INSL6: variants seen among roughly 807,000 people sequenced by gnomAD.
INSL6 encodes the protein insulin like 6, also known as insulin-like peptide INSL6.
INSL6 carries 16 observed loss-of-function variants against 9.4 expected under a neutral mutation model. The ratio of observed to expected loss-of-function variants is 1.70; its 90% CI spans 1.15 to 2.59. The LOEUF (loss-of-function observed/expected upper bound fraction) is 2.59, where lower values mean the gene tolerates loss of function less well. Ranked by LOEUF, INSL6 falls within the 30% of genes most tolerant of loss-of-function variation. The pLI, the probability that INSL6 is intolerant of heterozygous loss-of-function variation, is 0.00. For synonymous variants in INSL6, 154 were observed against 96.9 expected (o/e 1.59, Z -3.46); for missense variants, 391 against 257.3 (o/e 1.52, Z -3.56).
chr9:5,184,741 T>C (rs944367568), intron 1 of INSL6, among the ~76,000 whole-genome samples: 4 of 152,250 alleles, frequency 2.6e-5, no homozygotes, highest in Admixed American at 6.5e-5. Context: ...TGAAGCCTGA[T>C]AGGAGAACGG....
At chr9:5,118,360 A>G in the INSL6 span, among the ~76,000 whole-genome samples, 3 of 152,120 alleles carry the variant, frequency 2.0e-5, no homozygotes, top group African/African-American at 7.2e-5. Flanking sequence ...ATGATCACCT[A>G]TTTTCTTTGT....
intron 2 of INSL6, among the ~76,000 whole-genome samples, chr9:5,136,553 T>C (rs867153359): frequency 6.6e-6 from 1 of 152,212 alleles, no homozygotes; most frequent in African/African-American, 2.4e-5. Flanking sequence ...AGAAAAGGCC[T>C]TTGACAAAAT....
At chr9:5,078,926 G>A in the INSL6 span, among the ~76,000 whole-genome samples, 4 of 152,136 alleles carry the variant, frequency 2.6e-5, no homozygotes, top group Middle Eastern at 3.4e-3. Context: ...TAACACAGTG[G>A]GTTAAAAATA....
intron 1 of INSL6, among the ~76,000 whole-genome samples, chr9:5,172,150 T>C (rs189254461): frequency 9.9e-4 from 150 of 152,212 alleles, no homozygotes; most frequent in African/African-American, 3.3e-3. Context: ...CCTAAACCAA[T>C]AGAATTTCTG....
At chr9:5,137,818 A>G (rs1207302906) in intron 2 of INSL6, among the ~76,000 whole-genome samples, 1 of 152,214 alleles carries the variant, frequency 6.6e-6, no homozygotes, top group Non-Finnish European at 1.5e-5. Flanking sequence ...ATAATGGGAA[A>G]AAATTTTTGC....
chr9:5,120,218 C>T (rs2130842987), downstream of INSL6, among the ~76,000 whole-genome samples: 1 of 152,298 alleles, frequency 6.6e-6, no homozygotes, highest in East Asian at 1.9e-4. Flanking sequence ...GCGAGAGGGG[C>T]CAAATGCTGC....
At chr9:5,102,819 A>G in the INSL6 span, among the ~76,000 whole-genome samples, 445 of 152,278 alleles carry the variant, frequency 2.9e-3, 2 homozygotes, top group African/African-American at 0.01. Context: ...AGGAGAAATA[A>G]AATCCTTTAC....
the INSL6 span, among the ~76,000 whole-genome samples, chr9:4,995,227 C>A: frequency 2.6e-5 from 4 of 152,226 alleles, no homozygotes; most frequent in Admixed American, 6.5e-5. Flanking sequence ...GATTTGTGGT[C>A]CTTTTACTTT....
At chr9:5,102,030 G>C in the INSL6 span, among the ~76,000 whole-genome samples, 1 of 152,100 alleles carries the variant, frequency 6.6e-6, no homozygotes, top group Non-Finnish European at 1.5e-5. Flanking sequence ...CAGCTGGATG[G>C]AGAATGACTT....
the INSL6 span, among the ~76,000 whole-genome samples, chr9:5,105,720 G>C: frequency 6.6e-6 from 1 of 151,840 alleles, no homozygotes; most frequent in Non-Finnish European, 1.5e-5. Flanking sequence ...AACAGAGATA[G>C]ACCAATGGAA....
chr9:5,183,675 A>G (rs1406877734), intron 1 of INSL6, among the ~76,000 whole-genome samples: 1 of 152,190 alleles, frequency 6.6e-6, no homozygotes, highest in African/African-American at 2.4e-5. Context: ...GTGAAAGCAC[A>G]GTATTTGATG....
At chr9:5,147,110 T>A (rs918296057) in intron 2 of INSL6, among the ~76,000 whole-genome samples, 4 of 152,170 alleles carry the variant, frequency 2.6e-5, no homozygotes, top group Non-Finnish European at 5.9e-5. Context: ...CTGCTACAGA[T>A]GCTCCTGCAG....
At chr9:5,043,674 A>C in the INSL6 span, among the ~76,000 whole-genome samples, 3 of 152,222 alleles carry the variant, frequency 2.0e-5, no homozygotes, top group Non-Finnish European at 4.4e-5. Context: ...TTCACAATAG[A>C]AAAATAATAG....
At chr9:5,015,854 C>G in the INSL6 span, among the ~76,000 whole-genome samples, 1 of 152,184 alleles carries the variant, frequency 6.6e-6, no homozygotes, top group Non-Finnish European at 1.5e-5. Flanking sequence ...CAGTTACCAT[C>G]CTTTCTGTTC....
At chr9:5,041,685 C>T in the INSL6 span, 1 of 511,158 alleles carries the variant, frequency 2.0e-6, no homozygotes. Flanking sequence ...CCTCTTCGAC[C>T]GAAGCGGCTT....
chr9:5,151,753 C>T (rs1057459191), intron 2 of INSL6, among the ~76,000 whole-genome samples: 1 of 152,062 alleles, frequency 6.6e-6, no homozygotes, highest in African/African-American at 2.4e-5. Context: ...TCAGATGGAA[C>T]ACATAAAAAA....
At chr9:5,112,276 CAGCCTCAT>C in the INSL6 span, 6 of 264,642 alleles carry the variant, frequency 2.3e-5, no homozygotes, top group South Asian at 2.4e-4. Context: ...CGGGCAGCGC[CAGCCTCAT>C]GCACATCCAT....
the INSL6 span, among the ~76,000 whole-genome samples, chr9:5,010,756 TTTTC>T: frequency 1.4e-4 from 21 of 152,348 alleles, no homozygotes; most frequent in African/African-American, 3.6e-4. Context: ...ATCCACATGA[TTTTC>T]TTTATCAGTT....
At chr9:5,168,514 G>A (rs1339893361) in intron 1 of INSL6, among the ~76,000 whole-genome samples, 4 of 151,934 alleles carry the variant, frequency 2.6e-5, no homozygotes, top group African/African-American at 9.7e-5. Flanking sequence ...AAATAAGGCA[G>A]GCAGACAAGA....
Sources: allele counts gnomAD v4.1 joint callset (sites outside exome capture counted in the v4.1 genomes callset), GRCh38; gene constraint gnomAD v4.1.1; transcripts MANE v1.5; gene names NCBI Gene and HGNC (gene_info 2026-07-23, HGNC 2026-07-21).